Variants in ADH4 observed in about 807,000 individuals in gnomAD.
ADH4 encodes all-trans-retinol dehydrogenase [NAD(+)] ADH4.
A neutral mutation model predicts 35.2 loss-of-function variants in ADH4; 31 were observed. The ratio of observed to expected loss-of-function variants is 0.88; its 90% CI spans 0.66 to 1.19. The LOEUF (loss-of-function observed/expected upper bound fraction) is 1.19. Ranked by LOEUF, ADH4 falls within the 50% of genes most tolerant of loss-of-function variation. The probability of loss-of-function intolerance (pLI) is 0.00; values close to 1 mark genes in which losing one functional copy is unlikely to be tolerated. For synonymous variants in ADH4, 171 were observed against 160.2 expected, an observed-to-expected ratio of 1.07 and a Z score of -0.51; for missense variants, 476 against 458.3, an observed-to-expected ratio of 1.04 and a Z score of -0.35.
chr4:99,141,738 A>G, intron 2 of ADH4, 56 bp from the exon 3 acceptor site: 2 of 1,539,176 alleles, frequency 1.3e-6, no homozygotes, highest in South Asian at 2.4e-5. Context: ...ATTGGGCTGG[A>G]TGTTACATAT....
intron 5 of ADH4, among the ~76,000 whole-genome samples, chr4:99,135,400 G>A (rs1271367429): frequency 6.6e-6 from 1 of 152,208 alleles, no homozygotes; most frequent in Non-Finnish European, 1.5e-5. Context: ...CTGCATTTTA[G>A]CATGGGCAAC....
At chr4:99,125,870 C>A (rs1729070630) in intron 8 of ADH4, among the ~76,000 whole-genome samples, 1 of 152,162 alleles carries the variant, frequency 6.6e-6, no homozygotes, top group African/African-American at 2.4e-5. Flanking sequence ...GTTGTATCTT[C>A]TCTTTTCATT....
At chr4:99,126,452 C>T in intron 8 of ADH4, 142 bp downstream of exon 8, 2 of 716,552 alleles carry the variant, frequency 2.8e-6, no homozygotes, top group Non-Finnish European at 4.4e-6. Flanking sequence ...GAAATGACCA[C>T]TATTTAATCT....
chr4:99,137,275 G>A (rs1729471679), intron 4 of ADH4, among the ~76,000 whole-genome samples: 1 of 152,094 alleles, frequency 6.6e-6, no homozygotes, highest in East Asian at 1.9e-4. Flanking sequence ...CTACAGGCAC[G>A]CACCACCAGG....
chr4:99,133,802 C>G (rs1003192407), intron 5 of ADH4: 2 of 152,102 alleles, frequency 1.3e-5, no homozygotes, highest in Non-Finnish European at 2.9e-5. Context: ...AAAATCTGCT[C>G]AAGGTAAGTT....
chr4:99,142,190 C>G (rs1047898614), intron 2 of ADH4, among the ~76,000 whole-genome samples: 6 of 152,200 alleles, frequency 3.9e-5, no homozygotes, highest in Non-Finnish European at 8.8e-5. Flanking sequence ...ATTGTCCAAA[C>G]TTGCCATCAG....
At position 99,124,467 on chromosome 4, in the gene ADH4, C is replaced by G; in HGVS notation, c.1119-1G>C. Reference sequence around the variant, plus strand: ...TCAAAAGATGAGGATTGTTCGGACGCTGTTAATAACAATAAAACATTAATA... The same window carrying G: ...TCAAAAGATGAGGATTGTTCGGACGGTGTTAATAACAATAAAACATTAATA... On this transcript the variant is annotated splice_acceptor_variant, in intron 8 of 8. Coordinates refer to ENST00000265512, the MANE Select transcript of ADH4 (RefSeq NM_000670.5). LOFTEE classifies it high-confidence loss of function. The G allele has an allele frequency of 6.9e-7, 1 of 1,459,028 alleles. No individual in the cohort carries two copies. The highest frequency in any genetic ancestry group is 2.4e-5 in the East Asian group (1 of 41,976). 90.4% of individuals were successfully genotyped at this position (1,459,028 alleles called of 1,614,324 possible).
At chr4:99,130,310 T>A (rs1403745707) in intron 6 of ADH4, among the ~76,000 whole-genome samples, 1 of 152,208 alleles carries the variant, frequency 6.6e-6, no homozygotes, top group Admixed American at 6.5e-5. Context: ...CTCTAAAAAA[T>A]TAATCACTGC....
intron 4 of ADH4, 42 bp downstream of exon 4, chr4:99,139,019 T>C: frequency 6.8e-7 from 1 of 1,462,498 alleles, no homozygotes; most frequent in Non-Finnish European, 9.4e-7. Flanking sequence ...TCCAAAATAT[T>C]CATTCAAATT....
chr4:99,143,348 A>T (rs933780412), intron 1 of ADH4: 21 of 640,340 alleles, frequency 3.3e-5, no homozygotes, highest in African/African-American at 2.3e-4. Context: ...TAAAAGTCTG[A>T]GAAATGAGGC....
At chr4:99,136,350 T>A in intron 5 of ADH4, 116 bp downstream of exon 5, 1 of 792,878 alleles carries the variant, frequency 1.3e-6, no homozygotes, top group Non-Finnish European at 2.1e-6. Context: ...TTGCTTAAAA[T>A]CACAGAGGTA....
At chr4:99,140,830 A>G (rs6841113) in intron 3 of ADH4, among the ~76,000 whole-genome samples, 144,012 of 150,116 alleles carry the variant, frequency 0.96, 69,104 homozygotes, top group East Asian at 1. Context: ...TCGTGCCACT[A>G]CACTCCAGCC....
At chr4:99,127,186 C>G (rs371092789) in intron 7 of ADH4, 23 bp downstream of exon 7, 2 of 1,572,486 alleles carry the variant, frequency 1.3e-6, no homozygotes, top group African/African-American at 1.4e-5. Flanking sequence ...GAATTTAAAG[C>G]TATGAAGAAA....
At chr4:99,130,378 A>G (rs1042576178) in intron 6 of ADH4, among the ~76,000 whole-genome samples, 5 of 152,212 alleles carry the variant, frequency 3.3e-5, no homozygotes, top group African/African-American at 1.2e-4. Flanking sequence ...GTATCACTAC[A>G]TTCAGCTCCT....
chr4:99,143,445 A>G, intron 1 of ADH4: 1 of 390,408 alleles, frequency 2.6e-6, no homozygotes. Context: ...ATGAATGAAC[A>G]GAAATTAAAT....
At chr4:99,131,463 G>A (rs1367546591) in intron 6 of ADH4, 41 bp downstream of exon 6, 1 of 1,589,784 alleles carries the variant, frequency 6.3e-7, no homozygotes, top group South Asian at 1.1e-5. Context: ...GACAGCCAAA[G>A]AATACATTGA....
In ADH4 at chr4:99,131,635, C is replaced by A. The variant is rs2110495205; in HGVS notation, c.712G>T (p.Ala238Ser). 6.2e-7 allele frequency: 1 copy of A among 1,614,136 alleles called. No individual in the cohort carries two copies. Among genetic ancestry groups the A allele is most frequent in the South Asian group, 1.1e-5 (1 of 91,086 alleles). ...CAGTCAGTGGCTCCCAGGGCTTTAGCCTTCACAAACTTCTCACTGTTGATG... is the reference window on the plus strand; with the variant it reads ...CAGTCAGTGGCTCCCAGGGCTTTAGACTTCACAAACTTCTCACTGTTGATG... ...IDINSEKFVK[A>S]KALGATDCLN... is the part of the protein sequence containing the mutation. Residue 238 changes from alanine to serine, a missense_variant, in exon 6 of 9, where the codon GCT becomes TCT. Coordinates refer to ENST00000265512, the MANE Select transcript of ADH4 (RefSeq NM_000670.5).
Position 99,127,209 on chromosome 4 carries a change from C to T in ADH4, c.979G>A (p.Gly327Ser), listed in dbSNP as rs1365320617. The T allele has an allele frequency of 6.3e-7, 1 of 1,584,608 alleles. No individual in the cohort carries two copies. The change falls in exon 7 of 9, where the codon GGT becomes AGT. Residue 327 changes from glycine to serine, a missense_variant and splice_region_variant. Gly to Ser is a moderately conservative substitution (Grantham distance 56). Transcript: ENST00000265512. ...AGCTATGAAGAAAAAAAAAACTGAC[C>T]ACCAAAGAATGTTCCATTTATAGTA... The part of the protein sequence containing the change: ...GRTINGTFFG[G>S]WKSVDSIPKL...
Position 99,131,612 on chromosome 4 carries a change from G to A in ADH4, c.735C>T (p.Asp245=), listed in dbSNP as rs1729273081. The A allele has an allele frequency of 6.2e-7, 1 of 1,614,148 alleles. No individual in the cohort carries two copies. The highest frequency in any genetic ancestry group is 8.5e-7 in the Non-Finnish European group (1 of 1,180,000). The stretch of plus-strand genomic sequence containing the variant: ...TATGTAAGTCTCTAGGATTGAGGCA[G>A]TCAGTGGCTCCCAGGGCTTTAGCCT... The part of the protein sequence containing the change: ...FVKAKALGAT[D]CLNPRDLHKP... Residue 245 remains aspartate, a synonymous_variant, in exon 6 of 9, where the codon GAC becomes GAT. Transcript: ENST00000265512.
Sources: allele counts gnomAD v4.1 joint callset (sites outside exome capture counted in the v4.1 genomes callset), GRCh38; gene constraint gnomAD v4.1.1; transcripts MANE v1.5; gene names NCBI Gene and HGNC (gene_info 2026-07-23, HGNC 2026-07-21).